Variants in ATP9B observed in about 807,000 individuals in gnomAD.
ATP9B encodes the protein probable phospholipid-transporting ATPase IIB.
In ATP9B, 110 loss-of-function variants were observed where a neutral mutation model predicts 146.1. That is an observed-to-expected ratio of 0.75 (90% CI 0.65 to 0.88). ATP9B has a LOEUF of 0.88. ATP9B is among the 40% of genes least tolerant of loss of function. The probability of loss-of-function intolerance (pLI) is 0.00; values close to 1 mark genes in which losing one functional copy is unlikely to be tolerated. For synonymous variants in ATP9B, 604 were observed against 569.7 expected (o/e 1.06, Z -0.86); for missense variants, 1,499 against 1,496.4 (o/e 1.00, Z -0.03).
chr18:79,325,813 C>T (rs967497917), intron 15 of ATP9B, among the ~76,000 whole-genome samples: 3 of 152,194 alleles, frequency 2.0e-5, no homozygotes, highest in Non-Finnish European at 4.4e-5. Context: ...AGAGACATGG[C>T]GTTAGGCTGT....
At chr18:79,273,214 G>C (rs1215825761) in intron 12 of ATP9B, among the ~76,000 whole-genome samples, 1 of 152,196 alleles carries the variant, frequency 6.6e-6, no homozygotes, top group African/African-American at 2.4e-5. Flanking sequence ...ATGAATCTAA[G>C]ATATCTCATA....
intron 5 of ATP9B, among the ~76,000 whole-genome samples, chr18:79,142,202 G>GTTT (rs2094522298): frequency 6.6e-6 from 1 of 152,128 alleles, no homozygotes; most frequent in Non-Finnish European, 1.5e-5. Context: ...AATTTCCATA[G>GTTT]AAATTAATCG....
At position 79,373,954 on chromosome 18, in the gene ATP9B, G is replaced by C; in HGVS notation, c.3127G>C (p.Val1043Leu). ...CTTCGAGTCTGAGTTCGTCCACGTGGTGGCCATCTCCTTCACCGCACTGAT... is the reference window on the plus strand; with the variant it reads ...CTTCGAGTCTGAGTTCGTCCACGTGCTGGCCATCTCCTTCACCGCACTGAT... ...VLFESEFVHVVAISFTALILT... is the reference protein window; with the variant it reads ...VLFESEFVHVLAISFTALILT... Residue 1043 changes from valine to leucine, a missense_variant, in exon 28 of 30, where the codon GTG becomes CTG. By Grantham distance (32) the Val-to-Leu change is conservative. Transcript: ENST00000426216. 1.9e-6 allele frequency: 3 copies of C among 1,613,864 alleles called. No homozygotes were observed. The highest frequency in any genetic ancestry group is 2.5e-6 in the Non-Finnish European group (3 of 1,180,028).
intron 3 of ATP9B, 65 bp from the exon 4 acceptor site, chr18:79,113,176 T>C (rs2094003816): frequency 1.3e-6 from 1 of 789,054 alleles, no homozygotes; most frequent in Non-Finnish European, 2.1e-6. Context: ...ATTTTAATTG[T>C]TTAATTTAGG....
intron 8 of ATP9B, among the ~76,000 whole-genome samples, chr18:79,191,266 T>A (rs1323817310): frequency 6.6e-6 from 1 of 152,218 alleles, no homozygotes; most frequent in African/African-American, 2.4e-5. Flanking sequence ...AGATTTTTTT[T>A]ATTTTTGGTT....
intron 5 of ATP9B, among the ~76,000 whole-genome samples, chr18:79,143,024 A>C (rs2094532660): frequency 6.6e-6 from 1 of 152,222 alleles, no homozygotes; most frequent in African/African-American, 2.4e-5. Context: ...TAGTCTTAAA[A>C]GAGAGTGAGA....
At chr18:79,238,709 C>G (rs1222170404) in intron 11 of ATP9B, among the ~76,000 whole-genome samples, 4 of 152,212 alleles carry the variant, frequency 2.6e-5, no homozygotes, top group Non-Finnish European at 4.4e-5. Flanking sequence ...TGTCTCTACC[C>G]TAACTCGAGC....
At chr18:79,103,177 G>C (rs1316040850) in intron 2 of ATP9B, among the ~76,000 whole-genome samples, 1 of 152,138 alleles carries the variant, frequency 6.6e-6, no homozygotes, top group Non-Finnish European at 1.5e-5. Context: ...TTCTTTCCCA[G>C]GTGGGAGCTG....
At chr18:79,172,784 TGTTG>T (rs2095098825) in intron 7 of ATP9B, among the ~76,000 whole-genome samples, 1 of 152,280 alleles carries the variant, frequency 6.6e-6, no homozygotes, top group African/African-American at 2.4e-5. Context: ...CATTCATCAT[TGTTG>T]GTTGAAGTTT....
At chr18:79,230,079 T>C (rs1217202704) in intron 11 of ATP9B, among the ~76,000 whole-genome samples, 1 of 152,082 alleles carries the variant, frequency 6.6e-6, no homozygotes, top group East Asian at 1.9e-4. Context: ...CTGAATAAAG[T>C]GTAGTTTAAT....
chr18:79,293,123 G>A (rs117372701), intron 13 of ATP9B, among the ~76,000 whole-genome samples: 7 of 150,540 alleles, frequency 4.6e-5, no homozygotes, highest in Non-Finnish European at 7.4e-5. Flanking sequence ...TCAACAAATG[G>A]TGCTGGGCAA....
chr18:79,092,144 C>T (rs1005133316), intron 1 of ATP9B, among the ~76,000 whole-genome samples: 2 of 152,130 alleles, frequency 1.3e-5, no homozygotes, highest in East Asian at 1.9e-4. Context: ...TGTTAAATAC[C>T]ATTAATACTT....
At chr18:79,274,950 C>T (rs138685228) in intron 12 of ATP9B, among the ~76,000 whole-genome samples, 48 of 152,332 alleles carry the variant, frequency 3.2e-4, no homozygotes, top group Admixed American at 2.5e-3. Flanking sequence ...TGAGGAGCAG[C>T]GCCCAGAAGA....
intron 9 of ATP9B, among the ~76,000 whole-genome samples, chr18:79,199,624 G>A (rs112537357): frequency 9.9e-5 from 15 of 152,034 alleles, no homozygotes; most frequent in Admixed American, 5.2e-4. Flanking sequence ...TTAGCTGGGC[G>A]TGGTGGCACA....
At chr18:79,085,536 A>G (rs1338207114) in intron 1 of ATP9B, 3 of 152,224 alleles carry the variant, frequency 2.0e-5, no homozygotes, top group African/African-American at 7.2e-5. Context: ...CTACAAAGTC[A>G]TGTGAGATAC....
chr18:79,261,966 G>A (rs775031112), intron 12 of ATP9B, among the ~76,000 whole-genome samples: 5 of 152,080 alleles, frequency 3.3e-5, no homozygotes, highest in Admixed American at 1.3e-4. Context: ...CTCACCATCC[G>A]AGTATGTGCT....
chr18:79,246,294 C>A (rs34327902), intron 11 of ATP9B, among the ~76,000 whole-genome samples: 3 of 84,338 alleles, frequency 3.6e-5, no homozygotes, highest in African/African-American at 1.4e-4. Flanking sequence ...ACTGTCTGTG[C>A]GGAGGGCACC....
At chr18:79,185,878 A>G (rs1298423578) in intron 8 of ATP9B, among the ~76,000 whole-genome samples, 1 of 152,152 alleles carries the variant, frequency 6.6e-6, no homozygotes, top group African/African-American at 2.4e-5. Flanking sequence ...TTAGAGACCT[A>G]AGAACTCATC....
At chr18:79,117,380 G>A (rs745732904) in intron 4 of ATP9B, 1 of 152,242 alleles carries the variant, frequency 6.6e-6, no homozygotes, top group Non-Finnish European at 1.5e-5. Context: ...CAGGAAAAAT[G>A]AGTAGAGGAT....
Sources: allele counts gnomAD v4.1 joint callset (sites outside exome capture counted in the v4.1 genomes callset), GRCh38; gene constraint gnomAD v4.1.1; transcripts MANE v1.5; gene names NCBI Gene and HGNC (gene_info 2026-07-23, HGNC 2026-07-21).